DOK6: variants seen among roughly 807,000 people sequenced by gnomAD.
DOK6 encodes docking protein 6, also known as downstream of tyrosine kinase 6.
Under a neutral mutation model 44.0 loss-of-function variants are expected in DOK6, and 22 were observed. The observed-to-expected ratio is 0.50, with a 90% confidence interval of 0.36 to 0.71. The LOEUF (loss-of-function observed/expected upper bound fraction) is 0.71. Among genes scored for constraint, DOK6 ranks in the 30% least tolerant of loss-of-function variants. The probability of loss-of-function intolerance (pLI) is 0.00; values close to 1 mark genes in which losing one functional copy is unlikely to be tolerated. For missense variants in DOK6, 340 were observed against 416.4 expected, an observed-to-expected ratio of 0.82 and a Z score of 1.60; for synonymous variants, 166 against 145.5, an observed-to-expected ratio of 1.14 and a Z score of -1.01.
chr18:69,497,159 G>A (rs1336571220), intron 1 of DOK6, among the ~76,000 whole-genome samples: 1 of 152,160 alleles, frequency 6.6e-6, no homozygotes, highest in Non-Finnish European at 1.5e-5. Context: ...GGGTAAATAT[G>A]TAATCCTTCT....
chr18:69,757,697 A>T (rs544177968), intron 6 of DOK6, 59 bp from the exon 7 acceptor site: 1 of 1,370,452 alleles, frequency 7.3e-7, no homozygotes, highest in East Asian at 2.3e-5. Context: ...TATTTAGAAG[A>T]GCAGATTTCA....
chr18:69,698,414 C>T lies in DOK6; in HGVS notation c.420C>T (p.Asn140=), dbSNP rs201608635. The change falls in exon 5 of 8, where the codon AAC becomes AAT. Residue 140 remains asparagine (N), a synonymous_variant. Transcript: ENST00000382713. ...TTCGTCTCTTCACAGAGAGATTCAA[C>T]GTGTATCTTATGCCTACACCAAACC... ...GVQREQNERF[N]VYLMPTPNLD... 46 of 1,611,456 alleles carry T rather than the reference C, an allele frequency of 2.9e-5. No individual in the cohort carries two copies. Among genetic ancestry groups the T allele is most frequent in the Middle Eastern group, 1.7e-4 (1 of 6,046 alleles).
At chr18:69,735,262 A>G (rs1012492449) in intron 5 of DOK6, among the ~76,000 whole-genome samples, 5 of 152,242 alleles carry the variant, frequency 3.3e-5, no homozygotes, top group African/African-American at 9.6e-5. Context: ...TAGGGAAAAG[A>G]CTAGGAATTT....
intron 3 of DOK6, among the ~76,000 whole-genome samples, chr18:69,624,134 AGAAAT>A (rs1288138859): frequency 3.3e-5 from 5 of 152,180 alleles, no homozygotes; most frequent in Non-Finnish European, 5.9e-5. Context: ...AAAGCAATTC[AGAAAT>A]GATTTATTTA....
intron 1 of DOK6, among the ~76,000 whole-genome samples, chr18:69,447,505 T>C (rs1979330128): frequency 6.6e-6 from 1 of 152,194 alleles, no homozygotes; most frequent in Non-Finnish European, 1.5e-5. Flanking sequence ...TCCAGCTTTG[T>C]TCTTTTGGCT....
chr18:69,616,436 C>G (rs1321104323), intron 3 of DOK6, among the ~76,000 whole-genome samples: 1 of 28,896 alleles, frequency 3.5e-5, no homozygotes, highest in African/African-American at 1.1e-4. Flanking sequence ...CAGATTTTTC[C>G]TAAGGTCAAC....
intron 1 of DOK6, among the ~76,000 whole-genome samples, chr18:69,449,788 C>A (rs1568261802): frequency 1.3e-5 from 2 of 151,578 alleles, no homozygotes; most frequent in African/African-American, 4.8e-5. Context: ...AGGCACCCCC[C>A]AGCAGGGGCA....
chr18:69,733,838 AAGG>A (rs972021020), intron 5 of DOK6, among the ~76,000 whole-genome samples: 3 of 152,162 alleles, frequency 2.0e-5, no homozygotes, highest in African/African-American at 7.2e-5. Flanking sequence ...TATTACTGAA[AAGG>A]AGTAGTCTTC....
At chr18:69,586,219 T>A (rs376335689) in intron 2 of DOK6, among the ~76,000 whole-genome samples, 7 of 152,196 alleles carry the variant, frequency 4.6e-5, no homozygotes, top group Admixed American at 4.6e-4. Flanking sequence ...CCACGTATTT[T>A]CTCAAGATCT....
At chr18:69,482,506 G>A (rs2144532026) in intron 1 of DOK6, among the ~76,000 whole-genome samples, 1 of 152,108 alleles carries the variant, frequency 6.6e-6, no homozygotes, top group East Asian at 1.9e-4. Flanking sequence ...GTATCCCATG[G>A]AATTTAGAAC....
chr18:69,625,066 T>C (rs1984527341), intron 3 of DOK6, among the ~76,000 whole-genome samples: 2 of 152,166 alleles, frequency 1.3e-5, no homozygotes, highest in Admixed American at 1.3e-4. Context: ...CTAGTGAAGA[T>C]CTGAAAACTA....
At chr18:69,620,537 C>G (rs1984416555) in intron 3 of DOK6, among the ~76,000 whole-genome samples, 1 of 152,100 alleles carries the variant, frequency 6.6e-6, no homozygotes, top group Non-Finnish European at 1.5e-5. Flanking sequence ...TAAGAGCATA[C>G]CCTGCAGCCA....
chr18:69,574,140 T>G (rs1452616873), intron 2 of DOK6, among the ~76,000 whole-genome samples: 3 of 151,992 alleles, frequency 2.0e-5, no homozygotes, highest in African/African-American at 7.2e-5. Flanking sequence ...TAATGTAATA[T>G]AAATCTTTGT....
At chr18:69,797,431 C>T (rs906106129) in intron 7 of DOK6, among the ~76,000 whole-genome samples, 1 of 152,070 alleles carries the variant, frequency 6.6e-6, no homozygotes, top group Non-Finnish European at 1.5e-5. Context: ...TACCCTCATA[C>T]ATTAAGGCAG....
At chr18:69,788,123 A>G (rs1453912371) in intron 7 of DOK6, among the ~76,000 whole-genome samples, 1 of 152,160 alleles carries the variant, frequency 6.6e-6, no homozygotes, top group Non-Finnish European at 1.5e-5. Flanking sequence ...GTCTCCAAAC[A>G]TCTGTACTTT....
In DOK6 at chr18:69,566,155, A is replaced by G. The variant is rs191209380; in HGVS notation, c.174+1561A>G. 1.6e-3 allele frequency among the ~76,000 whole-genome samples: 245 copies of G among 151,776 alleles called. 2 individuals carry two copies. Among genetic ancestry groups the G allele is most frequent in the African/African-American group, 4.4e-3 (183 of 41,350 alleles). On this transcript the variant is annotated intron_variant, in intron 2 of 7. Transcript: ENST00000382713. ...TATTTATTTATTTATTTACTTATTT[A>G]TAGACGGAGTCTGGCTCTGTCACCC...
chr18:69,767,210 C>T (rs561928312), intron 7 of DOK6, among the ~76,000 whole-genome samples: 2 of 151,718 alleles, frequency 1.3e-5, no homozygotes, highest in Admixed American at 6.6e-5. Flanking sequence ...CCAGCCTGGG[C>T]GACAGAGTGA....
intron 1 of DOK6, among the ~76,000 whole-genome samples, chr18:69,508,725 TA>T: frequency 6.6e-6 from 1 of 152,176 alleles, no homozygotes; most frequent in East Asian, 2.0e-4. Context: ...CATTGCATAC[TA>T]TAGCAGAGAT....
At chr18:69,739,241 C>G (rs769476595) in intron 6 of DOK6, 138 bp downstream of exon 6, 62 of 1,078,890 alleles carry the variant, frequency 5.7e-5, no homozygotes, top group Admixed American at 1.0e-4. Context: ...TTACCCTACC[C>G]TCTCATCTCT....
Sources: gnomAD v4.1 joint callset for allele counts (sites outside exome capture counted in the v4.1 genomes callset) on GRCh38, gnomAD v4.1.1 for gene constraint, MANE v1.5 for transcripts, NCBI Gene and HGNC (gene_info 2026-07-23, HGNC 2026-07-21) for gene names.